Variants in HERC1 observed in about 807,000 individuals in gnomAD.
HERC1 encodes HECT and RLD domain containing E3 ubiquitin protein ligase family member 1.
Under a neutral mutation model 554.3 loss-of-function variants are expected in HERC1, and 160 were observed. The observed-to-expected ratio is 0.29, with a 90% CI of 0.25 to 0.33. The LOEUF is 0.33. Ranked by LOEUF, HERC1 falls within the 10% of genes least tolerant of loss-of-function variation. The pLI, the probability that HERC1 is intolerant of heterozygous loss-of-function variation, is 1.00. For missense variants in HERC1, 4,919 were observed against 5,918.5 expected, an observed-to-expected ratio of 0.83 and a Z score of 5.54; for synonymous variants, 2,175 against 2,131.7, an observed-to-expected ratio of 1.02 and a Z score of -0.56.
At chr15:63,625,120 G>A (rs950844256) in intron 71 of HERC1, among the ~76,000 whole-genome samples, 10 of 152,046 alleles carry the variant, frequency 6.6e-5, no homozygotes, top group Admixed American at 1.3e-4. Context: ...CAAATCTCAC[G>A]CATGCACACA....
At chr15:63,745,865 G>A (rs963115956) in intron 12 of HERC1, among the ~76,000 whole-genome samples, 13 of 151,916 alleles carry the variant, frequency 8.6e-5, no homozygotes, top group South Asian at 2.1e-4. Context: ...ATTTCTGTAG[G>A]GTCAGTAGTA....
In HERC1 at chr15:63,674,284, A is replaced by G. The variant is rs1220698269; in HGVS notation, c.7846+58T>C. On this transcript the variant is annotated intron_variant, in intron 38 of 77. Transcript: ENST00000443617. ...CTTACAGAATGTATCACTTCTGACA[A>G]TTATGAAAATAATCTCAACAGCACA... 2.8e-6 allele frequency: 4 copies of G among 1,440,808 alleles called. No individual in the cohort carries two copies. In the Admixed American group the frequency reaches 9.7e-5, roughly 35 times the overall value. 89.3% of individuals were successfully genotyped at this position (1,440,808 alleles called of 1,614,324 possible).
intron 24 of HERC1, among the ~76,000 whole-genome samples, chr15:63,708,057 C>G (rs913378514): frequency 6.6e-6 from 1 of 151,360 alleles, no homozygotes; most frequent in African/African-American, 2.4e-5. Context: ...CACACATTTT[C>G]TTATACTCAC....
intron 1 of HERC1, among the ~76,000 whole-genome samples, chr15:63,813,878 G>C (rs2077408605): frequency 6.6e-6 from 1 of 152,104 alleles, no homozygotes; most frequent in Non-Finnish European, 1.5e-5. Flanking sequence ...GACCAGCCTG[G>C]TGAAACCCCG....
chr15:63,831,560 TG>T (rs1567174201), intron 1 of HERC1, among the ~76,000 whole-genome samples: 1 of 152,220 alleles, frequency 6.6e-6, no homozygotes, highest in Non-Finnish European at 1.5e-5. Flanking sequence ...CAAGCCACGA[TG>T]TCATCATTAT....
chr15:63,669,154 T>A (rs2070779421), intron 40 of HERC1, among the ~76,000 whole-genome samples: 2 of 152,180 alleles, frequency 1.3e-5, no homozygotes, highest in African/African-American at 4.8e-5. Flanking sequence ...AATAACATAC[T>A]TCCAAATAGT....
intron 71 of HERC1, 55 bp from the exon 72 acceptor site, chr15:63,624,382 A>C: frequency 6.8e-7 from 1 of 1,460,680 alleles, no homozygotes; most frequent in South Asian, 1.3e-5. Flanking sequence ...TAAAAGAAAT[A>C]ACAATTTTCA....
At chr15:63,813,148 A>G (rs1255323564) in intron 1 of HERC1, among the ~76,000 whole-genome samples, 3 of 152,286 alleles carry the variant, frequency 2.0e-5, no homozygotes, top group Non-Finnish European at 4.4e-5. Flanking sequence ...AGAGAGAATG[A>G]TTAACAAAGC....
At chr15:63,773,402 C>T (rs1420556071) in intron 2 of HERC1, among the ~76,000 whole-genome samples, 3 of 147,426 alleles carry the variant, frequency 2.0e-5, no homozygotes, top group Admixed American at 2.0e-4. Context: ...GGAGATCACA[C>T]CACTGCACTC....
At chr15:63,713,281 C>T in intron 23 of HERC1, 72 bp downstream of exon 23, 2 of 1,288,682 alleles carry the variant, frequency 1.6e-6, no homozygotes, top group South Asian at 1.3e-5. Flanking sequence ...ACTTTGGAAA[C>T]AAACCATTTC....
At chr15:63,806,566 C>T (rs940612287) in intron 1 of HERC1, among the ~76,000 whole-genome samples, 1 of 152,216 alleles carries the variant, frequency 6.6e-6, no homozygotes, top group African/African-American at 2.4e-5. Flanking sequence ...TGGTACTCTG[C>T]CCTACTCTTT....
At chr15:63,706,172 T>C (rs1327898303) in intron 25 of HERC1, among the ~76,000 whole-genome samples, 4 of 152,040 alleles carry the variant, frequency 2.6e-5, no homozygotes, top group Non-Finnish European at 5.9e-5. Flanking sequence ...GAGTTAACTA[T>C]ACTATTCATT....
At chr15:63,733,203 C>A (rs1377475196) in intron 13 of HERC1, 58 bp from the exon 14 acceptor site, 2 of 1,128,842 alleles carry the variant, frequency 1.8e-6, no homozygotes, top group Non-Finnish European at 1.3e-6. Context: ...GAAAAGAACA[C>A]AAAAGGATCC....
chr15:63,832,415 C>T (rs2078189121), intron 1 of HERC1, among the ~76,000 whole-genome samples: 1 of 152,116 alleles, frequency 6.6e-6, no homozygotes, highest in Non-Finnish European at 1.5e-5. Flanking sequence ...CTAATCACAA[C>T]AGGCACTATG....
chr15:63,621,635 T>C (rs1359802583), intron 74 of HERC1, among the ~76,000 whole-genome samples: 1 of 152,134 alleles, frequency 6.6e-6, no homozygotes, highest in African/African-American at 2.4e-5. Context: ...ACCAATCAGA[T>C]GTAGATTTGG....
rs371469130 is a variant in HERC1, at chr15:63,638,399, C to G, written c.12093+12G>C. 389 of 1,605,552 alleles carry G rather than the reference C, an allele frequency of 2.4e-4. No homozygotes were observed. The highest frequency in any genetic ancestry group is 3.1e-4 in the Non-Finnish European group (360 of 1,177,190). ...CCCATGTTTCTTTTCTATTTTTTATCCTGTTAGTTACCTGTTGGGCCTGTG... is the reference window on the plus strand; with the variant it reads ...CCCATGTTTCTTTTCTATTTTTTATGCTGTTAGTTACCTGTTGGGCCTGTG... On this transcript the variant is annotated intron_variant, in intron 63 of 77. Transcript: ENST00000443617.
intron 24 of HERC1, 109 bp downstream of exon 24, chr15:63,712,666 A>G: frequency 2.1e-6 from 2 of 973,050 alleles, no homozygotes; most frequent in Non-Finnish European, 1.5e-6. Context: ...TATTTTTGAA[A>G]AAATTTTTAT....
chr15:63,816,604 CTATT>C (rs979212409), intron 1 of HERC1, among the ~76,000 whole-genome samples: 6 of 152,142 alleles, frequency 3.9e-5, no homozygotes, highest in African/African-American at 1.4e-4. Context: ...AGATTTTAAC[CTATT>C]TATTTACCAA....
At position 63,616,698 on chromosome 15, in the gene HERC1, G is replaced by A. The variant is rs753806318; in HGVS notation, c.13689-16C>T. 6 of 1,608,872 alleles carry A rather than the reference G, an allele frequency of 3.7e-6. No individual in the cohort carries two copies. The highest frequency in any genetic ancestry group is 5.1e-6 in the Non-Finnish European group (6 of 1,176,686). ...AAAAAGGAACCTGTAAAATTAAAGG[G>A]AATATTTCAAACAGCATTTTCCTTA... On this transcript the variant is annotated splice_polypyrimidine_tract_variant and intron_variant, in intron 74 of 77. Coordinates refer to ENST00000443617, the MANE Select transcript of HERC1 (RefSeq NM_003922.4).
Sources: allele counts gnomAD v4.1 joint callset (sites outside exome capture counted in the v4.1 genomes callset), GRCh38; gene constraint gnomAD v4.1.1; transcripts MANE v1.5; gene names NCBI Gene and HGNC (gene_info 2026-07-23, HGNC 2026-07-21).